The following IQCM variants were observed in gnomAD, a reference collection of about 807,000 sequenced individuals.
The protein encoded by IQCM is IQ motif containing M.
Under a neutral mutation model 57.6 loss-of-function variants are expected in IQCM, and 45 were observed. The observed-to-expected ratio is 0.78, with a 90% confidence interval of 0.62 to 1.00. The LOEUF is 1.00. IQCM is among the 50% of genes least tolerant of loss of function. The probability of loss-of-function intolerance (pLI) is 0.00; values close to 1 mark genes in which losing one functional copy is unlikely to be tolerated. For synonymous variants in IQCM, 148 were observed against 158.9 expected, an observed-to-expected ratio of 0.93 and a Z score of 0.51; for missense variants, 468 against 511.6, an observed-to-expected ratio of 0.91 and a Z score of 0.82.
intron 5 of IQCM, among the ~76,000 whole-genome samples, chr4:149,729,535 C>T (rs2149878844): frequency 6.6e-6 from 1 of 151,828 alleles, no homozygotes; most frequent in East Asian, 1.9e-4. Context: ...AGTGCAGTGG[C>T]ACGATCTCAG....
rs568003820 is a variant in IQCM, at chr4:149,444,083, G to T, written c.1229-10526C>A. Among the ~76,000 whole-genome samples, 3 of 151,784 alleles carry T rather than the reference G, an allele frequency of 2.0e-5. No homozygotes were observed. In the Admixed American group the frequency reaches 2.0e-4, roughly 10 times the overall value. On this transcript the variant is annotated intron_variant, in intron 12 of 13. Transcript: ENST00000636793. ...TCCCAGTGCATAACATAGTATTTTA[G>T]CCAGACATATTGCTGCCTTCAACAG...
chr4:149,560,626 A>C (rs1750028872), intron 10 of IQCM, among the ~76,000 whole-genome samples: 1 of 152,188 alleles, frequency 6.6e-6, no homozygotes, highest in Non-Finnish European at 1.5e-5. Context: ...AATTGTGTAA[A>C]AAATATTCAT....
chr4:149,617,442 A>G (rs1006466729), intron 8 of IQCM, among the ~76,000 whole-genome samples: 1 of 152,200 alleles, frequency 6.6e-6, no homozygotes, highest in African/African-American at 2.4e-5. Context: ...TGAGTGTTTG[A>G]ATATCATTCT....
chr4:149,492,037 G>T (rs1742149136), intron 12 of IQCM, among the ~76,000 whole-genome samples: 1 of 151,386 alleles, frequency 6.6e-6, no homozygotes, highest in African/African-American at 2.4e-5. Flanking sequence ...TACACCTATT[G>T]GTCATTTGTA....
chr4:149,721,130 C>T (rs770242937), intron 5 of IQCM, among the ~76,000 whole-genome samples: 1 of 151,950 alleles, frequency 6.6e-6, no homozygotes, highest in Non-Finnish European at 1.5e-5. Flanking sequence ...TTTTAAAATA[C>T]ACAATAAAAA....
intron 8 of IQCM, among the ~76,000 whole-genome samples, chr4:149,601,716 C>G (rs561819306): frequency 2.6e-5 from 4 of 151,976 alleles, no homozygotes; most frequent in Non-Finnish European, 5.9e-5. Context: ...TACAGTCAAC[C>G]CTTCATCTGG....
chr4:149,464,323 T>C (rs1485625186), intron 12 of IQCM, among the ~76,000 whole-genome samples: 2 of 152,148 alleles, frequency 1.3e-5, no homozygotes, highest in Non-Finnish European at 2.9e-5. Flanking sequence ...TCAATCTCTA[T>C]CTTAAATTCA....
intron 6 of IQCM, among the ~76,000 whole-genome samples, chr4:149,685,737 G>C (rs920244280): frequency 1.3e-5 from 2 of 151,546 alleles, no homozygotes; most frequent in African/African-American, 4.8e-5. Flanking sequence ...TTTACTGTCT[G>C]TAAGTATAAA....
At chr4:149,684,498 C>T (rs527392251) in intron 6 of IQCM, among the ~76,000 whole-genome samples, 2 of 151,342 alleles carry the variant, frequency 1.3e-5, no homozygotes, top group South Asian at 4.1e-4. Context: ...TTAACTTGAA[C>T]AAAAACCTTT....
At chr4:149,755,445 G>C (rs1452951058) in intron 2 of IQCM, among the ~76,000 whole-genome samples, 2 of 152,090 alleles carry the variant, frequency 1.3e-5, no homozygotes, top group Non-Finnish European at 1.5e-5. Flanking sequence ...GTCAGACCAG[G>C]ATTGCCCCCA....
chr4:149,783,358 C>A (rs1039198632), intron 2 of IQCM, among the ~76,000 whole-genome samples: 5 of 152,166 alleles, frequency 3.3e-5, no homozygotes, highest in Admixed American at 1.3e-4. Flanking sequence ...CAAACGCTCT[C>A]AAAATTATAT....
intron 2 of IQCM, among the ~76,000 whole-genome samples, chr4:149,775,339 T>C (rs1305930383): frequency 6.7e-6 from 1 of 150,284 alleles, no homozygotes; most frequent in East Asian, 1.9e-4. Context: ...GTGCCTGAAG[T>C]TTTAAGATTT....
chr4:149,607,082 T>C (rs558340883), intron 8 of IQCM, among the ~76,000 whole-genome samples: 1 of 152,138 alleles, frequency 6.6e-6, no homozygotes, highest in South Asian at 2.1e-4. Context: ...CCAAGTGGAT[T>C]CAACCCAAGT....
At chr4:149,673,356 G>A (rs4484273) in intron 7 of IQCM, among the ~76,000 whole-genome samples, 31,878 of 151,592 alleles carry the variant, frequency 0.21, 4,148 homozygotes, top group Non-Finnish European at 0.28. Flanking sequence ...AGATCCATCA[G>A]TGTGCTGTAT....
At chr4:149,580,644 G>A (rs1045700917) in intron 9 of IQCM, among the ~76,000 whole-genome samples, 1 of 151,698 alleles carries the variant, frequency 6.6e-6, no homozygotes. Flanking sequence ...GGTGGTCTTG[G>A]GTGATGGGAG....
At chr4:149,370,588 CA>C (rs369792461) in intron 13 of IQCM, among the ~76,000 whole-genome samples, 1,557 of 152,082 alleles carry the variant, frequency 0.01, 11 homozygotes, top group South Asian at 0.042. Flanking sequence ...CACACACACA[CA>C]CACCCTTATA....
At chr4:149,388,768 T>C (rs1731630428) in intron 13 of IQCM, among the ~76,000 whole-genome samples, 1 of 145,958 alleles carries the variant, frequency 6.9e-6, no homozygotes, top group African/African-American at 2.5e-5. Flanking sequence ...ATATGACATA[T>C]ATATATACAC....
At chr4:149,796,335 A>G (rs1430812815) in intron 2 of IQCM, among the ~76,000 whole-genome samples, 1 of 152,196 alleles carries the variant, frequency 6.6e-6, no homozygotes, top group African/African-American at 2.4e-5. Context: ...CCCTTCGGAA[A>G]GGGGAAGGAA....
At chr4:149,588,802 C>T (rs1292838546) in intron 8 of IQCM, among the ~76,000 whole-genome samples, 2 of 151,756 alleles carry the variant, frequency 1.3e-5, no homozygotes, top group Non-Finnish European at 2.9e-5. Context: ...CTTATGGTAT[C>T]CCTAACACAC....
Sources: allele counts gnomAD v4.1 joint callset (sites outside exome capture counted in the v4.1 genomes callset), GRCh38; gene constraint gnomAD v4.1.1; transcripts MANE v1.5; gene names NCBI Gene and HGNC (gene_info 2026-07-23, HGNC 2026-07-21).